Variants in AMER2 observed in about 807,000 individuals in gnomAD.
AMER2 encodes the protein APC membrane recruitment protein 2.
AMER2 carries 1 observed loss-of-function variant against 4.7 expected under a neutral mutation model. The observed-to-expected ratio is 0.21, with a 90% confidence interval of 0.07 to 1.00. AMER2 has a LOEUF of 1.00. AMER2 is among the 50% of genes least tolerant of loss of function. The probability of loss-of-function intolerance (pLI) is 0.60; values close to 1 mark genes in which losing one functional copy is unlikely to be tolerated. For missense variants in AMER2, 988 were observed against 966.9 expected (o/e 1.02, Z -0.29); for synonymous variants, 485 against 433.3 (o/e 1.12, Z -1.48).
rs924183062 is a variant in AMER2, at chr13:25,165,495, A to G, written c.*4109T>C. 41 of 152,144 alleles carry G rather than the reference A, an allele frequency of 2.7e-4. No homozygotes were observed. The highest frequency in any genetic ancestry group is 9.7e-4 in the African/African-American group (40 of 41,416). 9.4% of individuals were successfully genotyped at this position (152,144 alleles called of 1,614,324 possible). Reference sequence around the variant, plus strand: ...ATATTTTTGTGTGTAATGAATTGAAATTTTCTAAGGCTGAGTTTACACAAA... The same window carrying G: ...ATATTTTTGTGTGTAATGAATTGAAGTTTTCTAAGGCTGAGTTTACACAAA... On this transcript the variant is annotated 3_prime_UTR_variant, in exon 1 of 1. Transcript: ENST00000515384.
rs754646341 is a variant in AMER2, at chr13:25,165,124, G to A, written c.*4480C>T. The A allele has an allele frequency of 1.1e-4, 16 of 152,258 alleles. No homozygotes were observed. Among genetic ancestry groups the A allele is most frequent in the Admixed American group, 2.0e-4 (3 of 15,284 alleles). The allele number at this position is 152,258 out of a possible 1,614,324, so 9.4% of individuals were successfully genotyped here. A position where few individuals can be genotyped will look rare whatever the true frequency, so the allele number is the denominator to read the frequency against. On this transcript the variant is annotated 3_prime_UTR_variant, in exon 1 of 1. Transcript: ENST00000515384. ...GCAGTTTGAGAAGGAACTCCTTTCC[G>A]TAATCACGAAACTATCATTCTGAAT...
At position 25,164,580 on chromosome 13, in the gene AMER2, G is replaced by C. The variant is rs1566012275; in HGVS notation, c.*5024C>G. 6.6e-6 allele frequency: 1 copy of C among 150,400 alleles called. No individual in the cohort carries two copies. Among genetic ancestry groups the C allele is most frequent in the Non-Finnish European group, 1.5e-5 (1 of 67,850 alleles). 9.3% of individuals were successfully genotyped at this position (150,400 alleles called of 1,614,324 possible). A position where few individuals can be genotyped will look rare whatever the true frequency, so the allele number is the denominator to read the frequency against. On this transcript the variant is annotated 3_prime_UTR_variant, in exon 1 of 1. Transcript: ENST00000515384. Reference sequence around the variant, plus strand: ...CCCTGTCCTAGAGACTAGGGGAAAAGAGAGAGAGAGACAGACAGACAGAGA... The same window carrying C: ...CCCTGTCCTAGAGACTAGGGGAAAACAGAGAGAGAGACAGACAGACAGAGA...
Position 25,170,546 on chromosome 13 carries a change from C to T in AMER2, c.1074G>A (p.Ser358=), listed in dbSNP as rs1266217849. The T allele has an allele frequency of 6.2e-7, 1 of 1,613,822 alleles. No homozygotes were observed. Among genetic ancestry groups the T allele is most frequent in the Admixed American group, 1.7e-5 (1 of 59,976 alleles). Reference sequence around the variant, plus strand: ...AAAACATCAAACAAATACGATCTGCCGACGGGTCTGAGGGTGGATCGACAG... The same window carrying T: ...AAAACATCAAACAAATACGATCTGCTGACGGGTCTGAGGGTGGATCGACAG... ...PASVDPPSDP[S]ADRICLMFSD... The change falls in exon 1 of 1, where the codon TCG becomes TCA. Residue 358 remains serine, a synonymous_variant. Coordinates refer to ENST00000515384, the MANE Select transcript of AMER2 (RefSeq NM_152704.4). This position sits in a 1 kb window ranked among gnomAD's most constrained non-coding sequence, Gnocchi z 7.3.
rs1255856367 is a variant in AMER2 at position 25,171,761 on chromosome 13, A to G, written c.-142T>C. 2 of 1,398,422 alleles carry G rather than the reference A, an allele frequency of 1.4e-6. No individual in the cohort carries two copies. The highest frequency in any genetic ancestry group is 1.5e-5 in the African/African-American group (1 of 65,620). 86.6% of individuals were successfully genotyped at this position (1,398,422 alleles called of 1,614,324 possible). On this transcript the variant is annotated 5_prime_UTR_variant, in exon 1 of 1. Coordinates refer to ENST00000515384, the MANE Select transcript of AMER2 (RefSeq NM_152704.4). The surrounding 1 kb of genome is among the most constrained non-coding windows in gnomAD (Gnocchi z 5.9). ...CATAAAAGACCATCTTCCCTCCCGC[A>G]AGGGCTTATATAATACCCTAACCCA...
Position 25,169,847 on chromosome 13 carries a change from G to A in AMER2, c.1773C>T (p.Thr591=). 1 of 1,614,104 alleles carries A rather than the reference G, an allele frequency of 6.2e-7. No individual in the cohort carries two copies. The highest frequency in any genetic ancestry group is 2.2e-5 in the East Asian group (1 of 44,876). ...LSRLKPVSPG[T]ITCPLRTPGS... ...CTGGTGTTCGCAGTGGACAGGTGATGGTGCCTGGAGATACGGGCTTTAACC... is the reference window on the plus strand; with the variant it reads ...CTGGTGTTCGCAGTGGACAGGTGATAGTGCCTGGAGATACGGGCTTTAACC... Residue 591 remains threonine (T), a synonymous_variant, in exon 1 of 1, where the codon ACC becomes ACT. Coordinates refer to ENST00000515384, the MANE Select transcript of AMER2 (RefSeq NM_152704.4). This position sits in a 1 kb window ranked among gnomAD's most constrained non-coding sequence, Gnocchi z 4.2.
Position 25,170,823 on chromosome 13 carries a change from C to A in AMER2, c.797G>T (p.Gly266Val), listed in dbSNP as rs770274431. ...PRDPAGEPAG[G>V]EEVPAPADRA... ...GTCGGCGGGGGCGGGCACCTCCTCT[C>A]CCCCTGCGGGCTCACCTGCTGGGTC... The change falls in exon 1 of 1, where the codon GGA (glycine) becomes GTA (valine). Residue 266 changes from glycine to valine, a missense_variant. By Grantham distance (109) the Gly-to-Val change is moderately radical. Transcript: ENST00000515384. This position sits in a 1 kb window ranked among gnomAD's most constrained non-coding sequence, Gnocchi z 7.3. The A allele has an allele frequency of 2.1e-6, 3 of 1,419,064 alleles. No homozygotes were observed. The highest frequency in any genetic ancestry group is 2.8e-5 in the East Asian group (1 of 36,110). 87.9% of individuals were successfully genotyped at this position (1,419,064 alleles called of 1,614,324 possible). A position where few individuals can be genotyped will look rare whatever the true frequency, so the allele number is the denominator to read the frequency against.
At position 25,171,727 on chromosome 13, in the gene AMER2, A is replaced by C; in HGVS notation, c.-108T>G. 2.1e-6 allele frequency: 3 copies of C among 1,411,174 alleles called. No homozygotes were observed. Among genetic ancestry groups the C allele is most frequent in the Non-Finnish European group, 2.7e-6 (3 of 1,093,240 alleles). 87.4% of individuals were successfully genotyped at this position (1,411,174 alleles called of 1,614,324 possible). ...CCGCGCTCGCCGCCGCCGCTGCAAA[A>C]GAAACACACATAAAAGACCATCTTC... On this transcript the variant is annotated 5_prime_UTR_variant, in exon 1 of 1. Coordinates refer to ENST00000515384, the MANE Select transcript of AMER2 (RefSeq NM_152704.4). This position sits in a 1 kb window ranked among gnomAD's most constrained non-coding sequence, Gnocchi z 5.9.
In AMER2 at chr13:25,164,873, C is replaced by T. The variant is rs1252140686; in HGVS notation, c.*4731G>A. ...AAACTATAAGCAACAAATGCAAATA[C>T]CAAAAAAAAGTAAAATAATATTGTT... On this transcript the variant is annotated 3_prime_UTR_variant, in exon 1 of 1. Coordinates refer to ENST00000515384, the MANE Select transcript of AMER2 (RefSeq NM_152704.4). The T allele has an allele frequency of 1.3e-5, 2 of 151,908 alleles. No individual in the cohort carries two copies. Among genetic ancestry groups the T allele is most frequent in the Non-Finnish European group, 2.9e-5 (2 of 67,962 alleles). The allele number at this position is 151,908 out of a possible 1,614,324, so 9.4% of individuals were successfully genotyped here. A position where few individuals can be genotyped will look rare whatever the true frequency, so the allele number is the denominator to read the frequency against.
chr13:25,170,651 C>A lies in AMER2; in HGVS notation c.969G>T (p.Gly323=). ...GGGGGACCGTCTTTACGGGAACGGCCCCCGTCCTGGAAGCGTCCTCTGCCG... is the reference window on the plus strand; with the variant it reads ...GGGGGACCGTCTTTACGGGAACGGCACCCGTCCTGGAAGCGTCCTCTGCCG... The part of the protein sequence containing the change: ...VRTAEDASRT[G]AVPVKTVPLV... The change falls in exon 1 of 1, where the codon GGG becomes GGT. Residue 323 remains glycine, a synonymous_variant. Coordinates refer to ENST00000515384, the MANE Select transcript of AMER2 (RefSeq NM_152704.4). The surrounding 1 kb of genome is among the most constrained non-coding windows in gnomAD (Gnocchi z 7.3). The A allele has an allele frequency of 1.9e-6, 3 of 1,552,012 alleles. No homozygotes were observed. The South Asian group carries it at 3.6e-5, about 18-fold the overall frequency.
chr13:25,162,322 C>T lies in AMER2; in HGVS notation c.*7282G>A, dbSNP rs1956418148. Reference sequence around the variant, plus strand: ...AAACCTGAAGTTCACAATGAGCCTGCTAGGTAGCTGGTGTCAAGTACAAAT... The same window carrying T: ...AAACCTGAAGTTCACAATGAGCCTGTTAGGTAGCTGGTGTCAAGTACAAAT... On this transcript the variant is annotated 3_prime_UTR_variant, in exon 1 of 1. Coordinates refer to ENST00000515384, the MANE Select transcript of AMER2 (RefSeq NM_152704.4). 1 of 152,104 alleles carries T rather than the reference C, an allele frequency of 6.6e-6. No homozygotes were observed. Among genetic ancestry groups the T allele is most frequent in the South Asian group, 2.1e-4 (1 of 4,830 alleles). The allele number at this position is 152,104 out of a possible 1,614,324, so 9.4% of individuals were successfully genotyped here. A position where few individuals can be genotyped will look rare whatever the true frequency, so the allele number is the denominator to read the frequency against.
rs550524797 is a variant in AMER2 at position 25,164,679 on chromosome 13, G to A, written c.*4925C>T. 175 of 146,592 alleles carry A rather than the reference G, an allele frequency of 1.2e-3. 3 individuals carry two copies. Among genetic ancestry groups the A allele is most frequent in the African/African-American group, 4.3e-3 (172 of 40,160 alleles). 9.1% of individuals were successfully genotyped at this position (146,592 alleles called of 1,614,324 possible). A position where few individuals can be genotyped will look rare whatever the true frequency, so the allele number is the denominator to read the frequency against. On this transcript the variant is annotated 3_prime_UTR_variant, in exon 1 of 1. Coordinates refer to ENST00000515384, the MANE Select transcript of AMER2 (RefSeq NM_152704.4). ...GAGATAATATTACCTACCCCACATG[G>A]CTGTTAAGAGGACTAAGTAATTATT...
rs1158979175 is a variant in AMER2 at position 25,168,730 on chromosome 13, A to C, written c.*874T>G. On this transcript the variant is annotated 3_prime_UTR_variant, in exon 1 of 1. Coordinates refer to ENST00000515384, the MANE Select transcript of AMER2 (RefSeq NM_152704.4). ...TGTTAACAGCTGGATAAACGGTAAA[A>C]TATGCATTATCTTCACATGAAAAGG... 1 of 152,678 alleles carries C rather than the reference A, an allele frequency of 6.5e-6. No homozygotes were observed. The highest frequency in any genetic ancestry group is 2.4e-5 in the African/African-American group (1 of 41,454). The allele number at this position is 152,678 out of a possible 1,614,324, so 9.5% of individuals were successfully genotyped here.
In AMER2 at chr13:25,166,442, A is replaced by G. The variant is rs1365306428; in HGVS notation, c.*3162T>C. ...CATCAACCACCATCTGTACTAAAGC[A>G]GAGTGTTTCAAATAACAGTGTATGT... is the stretch of plus-strand genomic sequence containing the variant. On this transcript the variant is annotated 3_prime_UTR_variant, in exon 1 of 1. Transcript: ENST00000515384. 2.0e-5 allele frequency: 3 copies of G among 152,242 alleles called. No homozygotes were observed. The highest frequency in any genetic ancestry group is 7.2e-5 in the African/African-American group (3 of 41,464). 9.4% of individuals were successfully genotyped at this position (152,242 alleles called of 1,614,324 possible).
Position 25,171,629 on chromosome 13 carries a change from G to T in AMER2, c.-10C>A. ...TCCGGCTCGTCTCCATGGAAACCGC[G>T]CGGGATAAGCCGCTTTCGTCAGCAG... On this transcript the variant is annotated 5_prime_UTR_variant, in exon 1 of 1. Coordinates refer to ENST00000515384, the MANE Select transcript of AMER2 (RefSeq NM_152704.4). This position sits in a 1 kb window ranked among gnomAD's most constrained non-coding sequence, Gnocchi z 5.9. The T allele has an allele frequency of 2.0e-6, 3 of 1,473,368 alleles. No individual in the cohort carries two copies. The highest frequency in any genetic ancestry group is 2.5e-5 in the Admixed American group (1 of 40,150). 91.3% of individuals were successfully genotyped at this position (1,473,368 alleles called of 1,614,324 possible).
Position 25,168,988 on chromosome 13 carries a change from G to T in AMER2, c.*616C>A, listed in dbSNP as rs1956512981. 1 of 152,678 alleles carries T rather than the reference G, an allele frequency of 6.5e-6. No individual in the cohort carries two copies. Among genetic ancestry groups the T allele is most frequent in the African/African-American group, 2.4e-5 (1 of 41,464 alleles). The allele number at this position is 152,678 out of a possible 1,614,324, so 9.5% of individuals were successfully genotyped here. A position where few individuals can be genotyped will look rare whatever the true frequency, so the allele number is the denominator to read the frequency against. On this transcript the variant is annotated 3_prime_UTR_variant, in exon 1 of 1. Coordinates refer to ENST00000515384, the MANE Select transcript of AMER2 (RefSeq NM_152704.4). The stretch of plus-strand genomic sequence containing the variant: ...CAATTTGCATATCTAACAACTGAAC[G>T]TAGGGAAGTTTTCTGCCAATCAGTG...
At position 25,171,041 on chromosome 13, in the gene AMER2, C is replaced by T. The variant is rs751714209; in HGVS notation, c.579G>A (p.Gly193=). 34 of 1,573,960 alleles carry T rather than the reference C, an allele frequency of 2.2e-5. No homozygotes were observed. The highest frequency in any genetic ancestry group is 3.6e-5 in the Admixed American group (2 of 55,424). The change falls in exon 1 of 1, where the codon GGG becomes GGA. Residue 193 remains glycine, a synonymous_variant. Transcript: ENST00000515384. The surrounding 1 kb of genome is among the most constrained non-coding windows in gnomAD (Gnocchi z 5.9). The part of the protein sequence containing the change: ...ASKAGGKQKR[G]LRGLFSGMRW... ...GCATGCCGCTGAACAGCCCCCGCAG[C>T]CCCCGCTTTTGTTTGCCGCCGGCCT...
chr13:25,169,311 A>G lies in AMER2; in HGVS notation c.*293T>C. 1 of 286,584 alleles carries G rather than the reference A, an allele frequency of 3.5e-6. No homozygotes were observed. 17.8% of individuals were successfully genotyped at this position (286,584 alleles called of 1,614,324 possible). On this transcript the variant is annotated 3_prime_UTR_variant, in exon 1 of 1. Transcript: ENST00000515384. This position sits in a 1 kb window ranked among gnomAD's most constrained non-coding sequence, Gnocchi z 4.2. ...TAAAGGTGACTTCCAAGTGTTCAGT[A>G]TATTAAAGCAAAAGGAAGAAAAACT...
chr13:25,171,783 C>A lies in AMER2; in HGVS notation c.-164G>T. 7.6e-7 allele frequency: 1 copy of A among 1,309,454 alleles called. No individual in the cohort carries two copies. The highest frequency in any genetic ancestry group is 1.6e-5 in the African/African-American group (1 of 64,376). 81.1% of individuals were successfully genotyped at this position (1,309,454 alleles called of 1,614,324 possible). ...CGCAAGGGCTTATATAATACCCTAA[C>A]CCACTTCCATCCGACTTGGCTCGGC... On this transcript the variant is annotated 5_prime_UTR_variant, in exon 1 of 1. Transcript: ENST00000515384. This position sits in a 1 kb window ranked among gnomAD's most constrained non-coding sequence, Gnocchi z 5.9.
In AMER2 at chr13:25,171,552, A is replaced by G. The variant is rs766193562; in HGVS notation, c.68T>C (p.Val23Ala). 32 of 1,574,310 alleles carry G rather than the reference A, an allele frequency of 2.0e-5. No individual in the cohort carries two copies. In the South Asian group the frequency reaches 3.3e-4, roughly 16 times the overall value. ...CTCCGCCTTCCTCCTGCAGACCCCC[A>G]CGGACGCGCCAGCTCCGCCGCGCTC... ...VSERGGAGASVGVCRRKAEAG... is the reference protein window; with the variant it reads ...VSERGGAGASAGVCRRKAEAG... Residue 23 changes from valine to alanine, a missense_variant, in exon 1 of 1, where the codon GTG (valine) becomes GCG (alanine). Transcript: ENST00000515384. The surrounding 1 kb of genome is among the most constrained non-coding windows in gnomAD (Gnocchi z 5.9).
Sources: allele counts gnomAD v4.1 joint callset, GRCh38; gene constraint gnomAD v4.1.1; non-coding constraint Gnocchi (gnomAD v3.1); transcripts MANE v1.5; gene names NCBI Gene and HGNC (gene_info 2026-07-23, HGNC 2026-07-21).